Variants in TRPC4AP observed in about 807,000 individuals in gnomAD.
TRPC4AP encodes transient receptor potential cation channel subfamily C member 4 associated protein.
A neutral mutation model predicts 99.0 loss-of-function variants in TRPC4AP; 45 were observed. The ratio of observed to expected loss-of-function variants is 0.45; its 90% CI spans 0.36 to 0.58. The LOEUF (loss-of-function observed/expected upper bound fraction) is 0.58, where lower values mean the gene tolerates loss of function less well. TRPC4AP is among the 20% of genes least tolerant of loss of function. The probability of loss-of-function intolerance (pLI) is 0.00; values close to 1 mark genes in which losing one functional copy is unlikely to be tolerated. For synonymous variants in TRPC4AP, 408 were observed against 385.8 expected (o/e 1.06, Z -0.67); for missense variants, 879 against 985.3 (o/e 0.89, Z 1.44).
intron 8 of TRPC4AP, 128 bp downstream of exon 8, chr20:35,034,995 G>C: frequency 1.0e-6 from 1 of 982,602 alleles, no homozygotes; most frequent in Admixed American, 2.8e-5. Context: ...TCATGGTCTA[G>C]AATTGCCTTG....
At chr20:35,012,010 G>C (rs2082649001) in intron 11 of TRPC4AP, among the ~76,000 whole-genome samples, 1 of 152,236 alleles carries the variant, frequency 6.6e-6, no homozygotes, top group Non-Finnish European at 1.5e-5. Flanking sequence ...AGGGGCCATG[G>C]CTGTTTGCAT....
chr20:35,069,758 T>C (rs2084255422), intron 2 of TRPC4AP, among the ~76,000 whole-genome samples: 1 of 152,070 alleles, frequency 6.6e-6, no homozygotes, highest in South Asian at 2.1e-4. Flanking sequence ...CTGGCCAACA[T>C]GGCAAAACCC....
chr20:35,017,278 AAAAGAGG>A (rs2082776536), intron 9 of TRPC4AP, among the ~76,000 whole-genome samples: 1 of 152,202 alleles, frequency 6.6e-6, no homozygotes, highest in Non-Finnish European at 1.5e-5. Flanking sequence ...ATTGTGTAAA[AAAAGAGG>A]AATACAATTC....
chr20:35,057,623 T>C (rs374420135), intron 3 of TRPC4AP, 52 bp from the exon 4 acceptor site: 10 of 1,473,108 alleles, frequency 6.8e-6, no homozygotes, highest in South Asian at 1.2e-5. Context: ...GTATAACTTA[T>C]AAAATGATTT....
intron 7 of TRPC4AP, 33 bp downstream of exon 7, chr20:35,044,472 A>C (rs755172966): frequency 3.1e-6 from 5 of 1,597,244 alleles, no homozygotes; most frequent in South Asian, 1.1e-5. Flanking sequence ...TCAGAGCTAT[A>C]ATCTCAAAAT....
intron 3 of TRPC4AP, among the ~76,000 whole-genome samples, chr20:35,067,798 G>A (rs774152758): frequency 6.6e-6 from 1 of 152,124 alleles, no homozygotes; most frequent in South Asian, 2.1e-4. Context: ...AAACGTCCAC[G>A]ACAGAGAAAT....
intron 11 of TRPC4AP, among the ~76,000 whole-genome samples, 186 bp from the exon 12 acceptor site, chr20:35,010,474 G>A (rs1306450866): frequency 6.6e-6 from 1 of 152,124 alleles, no homozygotes. Flanking sequence ...CTCTCAGGCA[G>A]TGGAATCTCT....
chr20:35,091,591 A>C (rs1385354433), intron 1 of TRPC4AP, among the ~76,000 whole-genome samples: 1 of 151,686 alleles, frequency 6.6e-6, no homozygotes, highest in Non-Finnish European at 1.5e-5. Flanking sequence ...GCTGTCTTTA[A>C]ATAAAGCTAA....
At chr20:35,089,012 A>G (rs1273172676) in intron 1 of TRPC4AP, among the ~76,000 whole-genome samples, 1 of 150,950 alleles carries the variant, frequency 6.6e-6, no homozygotes, top group African/African-American at 2.4e-5. Flanking sequence ...AACAATGGGA[A>G]TATACTTCAC....
At chr20:35,080,534 TAA>T (rs71196786) in intron 1 of TRPC4AP, among the ~76,000 whole-genome samples, 6 of 82,050 alleles carry the variant, frequency 7.3e-5, no homozygotes, top group East Asian at 3.6e-4. Context: ...AGACTCCATC[TAA>T]AAAAAAAAAA....
chr20:35,072,002 T>C (rs1479030045), intron 2 of TRPC4AP, among the ~76,000 whole-genome samples: 2 of 152,210 alleles, frequency 1.3e-5, no homozygotes, highest in African/African-American at 2.4e-5. Context: ...TGGTATCTCA[T>C]TGTGGTTTTG....
Position 35,043,383 on chromosome 20 carries a change from A to T in TRPC4AP, c.865+1122T>A, listed in dbSNP as rs1327325051. Among the ~76,000 whole-genome samples the T allele has an allele frequency of 1.1e-3, 166 of 151,946 alleles. 5 individuals carry two copies. Among genetic ancestry groups the T allele is most frequent in the Non-Finnish European group, 1.5e-4 (10 of 67,994 alleles). On this transcript the variant is annotated intron_variant, in intron 7 of 18. Coordinates refer to ENST00000252015, the MANE Select transcript of TRPC4AP (RefSeq NM_015638.3). ...TGCCTCAGCCTTCTGAGTAACTGGG[A>T]CTACAGGCGTGCACCACCACACCCA...
At chr20:35,044,181 AG>A (rs768335659) in intron 7 of TRPC4AP, among the ~76,000 whole-genome samples, 8 of 152,134 alleles carry the variant, frequency 5.3e-5, no homozygotes, top group Admixed American at 2.6e-4. Flanking sequence ...ACTTGAGACC[AG>A]GAAGTCAAGA....
At chr20:35,005,592 T>TGCAG in intron 16 of TRPC4AP, 103 bp downstream of exon 16, 1 of 1,131,592 alleles carries the variant, frequency 8.8e-7, no homozygotes, top group South Asian at 1.4e-5. Context: ...GGGCATCTGG[T>TGCAG]GCAGCTCCCT....
chr20:35,050,720 AAAAC>A (rs2083675935), intron 5 of TRPC4AP, among the ~76,000 whole-genome samples: 1 of 151,816 alleles, frequency 6.6e-6, no homozygotes, highest in Non-Finnish European at 1.5e-5. Flanking sequence ...CTCAAAAAAA[AAAAC>A]AAAACAAAAA....
At chr20:35,056,907 G>A (rs937221516) in intron 4 of TRPC4AP, among the ~76,000 whole-genome samples, 8 of 150,082 alleles carry the variant, frequency 5.3e-5, no homozygotes, top group Admixed American at 1.3e-4. Flanking sequence ...AATCACTTGA[G>A]CTCAGGAGGC....
At chr20:35,084,482 ATATATGTATATATC>A (rs1360005904) in intron 1 of TRPC4AP, among the ~76,000 whole-genome samples, 1 of 119,194 alleles carries the variant, frequency 8.4e-6, no homozygotes, top group Non-Finnish European at 1.9e-5. Context: ...ATATATGTGT[ATATATGTATATATC>A]TATATATGTA....
intron 8 of TRPC4AP, chr20:35,030,314 GAAAT>G (rs2083156997): frequency 6.8e-6 from 1 of 146,866 alleles, no homozygotes; most frequent in African/African-American, 2.5e-5. Flanking sequence ...TTAAAAATTA[GAAAT>G]AAATATGGAA....
chr20:35,047,328 C>G (rs1317380685), intron 6 of TRPC4AP, among the ~76,000 whole-genome samples: 3 of 152,072 alleles, frequency 2.0e-5, no homozygotes, highest in Non-Finnish European at 4.4e-5. Context: ...GTTTTATCAA[C>G]AAATAATTTG....
Sources: allele counts gnomAD v4.1 joint callset (sites outside exome capture counted in the v4.1 genomes callset), GRCh38; gene constraint gnomAD v4.1.1; transcripts MANE v1.5; gene names NCBI Gene and HGNC (gene_info 2026-07-23, HGNC 2026-07-21).